The following RBFOX1 variants were observed in gnomAD, a reference collection of about 807,000 sequenced individuals.
RBFOX1 encodes RNA binding fox-1 homolog 1.
RBFOX1 carries 8 observed loss-of-function variants against 57.7 expected under a neutral mutation model. The observed-to-expected ratio is 0.14, with a 90% CI of 0.08 to 0.25. The LOEUF is 0.25. RBFOX1 is among the 10% of genes least tolerant of loss of function. The probability of loss-of-function intolerance (pLI) is 1.00; values close to 1 mark genes in which losing one functional copy is unlikely to be tolerated. For synonymous variants in RBFOX1, 326 were observed against 222.4 expected (o/e 1.47, Z -4.15); for missense variants, 611 against 548.5 (o/e 1.11, Z -1.14).
intron 3 of RBFOX1, among the ~76,000 whole-genome samples, chr16:6,831,891 C>A (rs1465694301): frequency 6.6e-6 from 1 of 152,138 alleles, no homozygotes; most frequent in Non-Finnish European, 1.5e-5. Flanking sequence ...GTAGGAAAAG[C>A]AATGTCTTAC....
At chr16:7,094,111 A>C (rs1567230350) in intron 4 of RBFOX1, among the ~76,000 whole-genome samples, 2 of 151,032 alleles carry the variant, frequency 1.3e-5, no homozygotes, top group Non-Finnish European at 1.5e-5. Context: ...TCTTCATTTT[A>C]CATTTTGAGT....
chr16:6,467,672 A>G (rs2095080587), intron 2 of RBFOX1, among the ~76,000 whole-genome samples: 1 of 152,202 alleles, frequency 6.6e-6, no homozygotes, highest in Non-Finnish European at 1.5e-5. Flanking sequence ...TTTTAAGAGA[A>G]AGCCCGAGAC....
At chr16:6,793,552 C>G (rs1207315087) in intron 3 of RBFOX1, among the ~76,000 whole-genome samples, 4 of 152,162 alleles carry the variant, frequency 2.6e-5, no homozygotes, top group Admixed American at 2.6e-4. Context: ...GACCTGCCTA[C>G]ATTTCAATTC....
At chr16:6,105,630 T>G (rs2096369218) in intron 1 of RBFOX1, among the ~76,000 whole-genome samples, 1 of 151,910 alleles carries the variant, frequency 6.6e-6, no homozygotes, top group African/African-American at 2.4e-5. Flanking sequence ...TTTTTTGTTT[T>G]TCTGCTTATA....
At chr16:5,353,367 T>C (rs1195805806) in intron 1 of RBFOX1, among the ~76,000 whole-genome samples, 1 of 132,428 alleles carries the variant, frequency 7.6e-6, no homozygotes, top group African/African-American at 2.7e-5. Flanking sequence ...AACAGAGTAG[T>C]GTCTGAAAAA....
intron 2 of RBFOX1, among the ~76,000 whole-genome samples, chr16:6,487,682 AAAAAAAAAAAAAAAAAAAATATAT>A (rs1283800079): frequency 1.6e-3 from 22 of 13,662 alleles, no homozygotes; most frequent in Admixed American, 2.7e-3. Flanking sequence ...GTAAAAAAAA[AAAAAAAAAAAAAAAAAAAATATAT>A]ATATATATAT....
chr16:7,319,473 G>A (rs1319779619), intron 4 of RBFOX1, among the ~76,000 whole-genome samples: 1 of 152,166 alleles, frequency 6.6e-6, no homozygotes, highest in East Asian at 1.9e-4. Flanking sequence ...TTGATTTCAG[G>A]TCAGTGTTTG....
At chr16:5,810,457 A>G (rs1290694801) in intron 3 of RBFOX1, among the ~76,000 whole-genome samples, 1 of 152,218 alleles carries the variant, frequency 6.6e-6, no homozygotes, top group Non-Finnish European at 1.5e-5. Flanking sequence ...TTTTTGTTGC[A>G]TAAGCACCCA....
At position 5,744,877 on chromosome 16, in the gene RBFOX1, C is replaced by T. The variant is rs149445581; in HGVS notation, c.319-122426C>T. Among the ~76,000 whole-genome samples, 1,016 of 152,236 alleles carry T rather than the reference C, an allele frequency of 6.7e-3. 5 individuals carry two copies. The highest frequency in any genetic ancestry group is 0.01 in the Non-Finnish European group (690 of 68,016). ...GGTTCAAACAATTCTCCTGCCTCAC[C>T]GCTCTCTCTCCGACCGCCCAAAGTA... is the stretch of plus-strand genomic sequence containing the variant. On this transcript the variant is annotated intron_variant, in intron 3 of 19. Transcript: ENST00000641259.
At chr16:7,532,149 C>G (rs2152385652) in intron 5 of RBFOX1, among the ~76,000 whole-genome samples, 1 of 130,346 alleles carries the variant, frequency 7.7e-6, no homozygotes, top group African/African-American at 2.8e-5. Context: ...TTTTTTTTCA[C>G]TAAGAAAAGC....
At chr16:5,971,831 G>A (rs1257598879) in intron 4 of RBFOX1, among the ~76,000 whole-genome samples, 1 of 152,210 alleles carries the variant, frequency 6.6e-6, no homozygotes, top group South Asian at 2.1e-4. Context: ...ATGCTTCTAT[G>A]AGGGTGTTTT....
At chr16:6,431,766 G>A (rs1429041173) in intron 2 of RBFOX1, among the ~76,000 whole-genome samples, 1 of 152,054 alleles carries the variant, frequency 6.6e-6, no homozygotes, top group East Asian at 1.9e-4. Flanking sequence ...TTTGTGACTT[G>A]GAGCAAATCA....
intron 14 of RBFOX1, among the ~76,000 whole-genome samples, chr16:7,702,937 G>C (rs2081246774): frequency 6.6e-6 from 1 of 152,172 alleles, no homozygotes; most frequent in Non-Finnish European, 1.5e-5. Context: ...CTTCTTCCTG[G>C]GTGCAGGTTA....
chr16:7,529,029 C>T (rs2079345145), intron 5 of RBFOX1, among the ~76,000 whole-genome samples: 1 of 152,186 alleles, frequency 6.6e-6, no homozygotes, highest in South Asian at 2.1e-4. Flanking sequence ...GAGGCCAAAG[C>T]AGATGGATCA....
At chr16:7,523,070 A>T (rs2077870701) in intron 5 of RBFOX1, among the ~76,000 whole-genome samples, 1 of 152,114 alleles carries the variant, frequency 6.6e-6, no homozygotes, top group Non-Finnish European at 1.5e-5. Context: ...CTAGAATTTT[A>T]TATCAGTAAC....
At chr16:6,958,938 C>A (rs1240698445) in intron 3 of RBFOX1, among the ~76,000 whole-genome samples, 1 of 152,052 alleles carries the variant, frequency 6.6e-6, no homozygotes, top group African/African-American at 2.4e-5. Flanking sequence ...CTGACATAGG[C>A]AGCATGGTTC....
chr16:5,382,162 T>C (rs1174567619), intron 1 of RBFOX1, among the ~76,000 whole-genome samples: 1 of 152,218 alleles, frequency 6.6e-6, no homozygotes, highest in Non-Finnish European at 1.5e-5. Context: ...AGAAACTTAA[T>C]ATGTCATTCA....
intron 4 of RBFOX1, among the ~76,000 whole-genome samples, chr16:7,445,772 C>G (rs2098803172): frequency 6.6e-6 from 1 of 152,082 alleles, no homozygotes; most frequent in Admixed American, 6.6e-5. Flanking sequence ...TGGAGATGCC[C>G]AAAGACTGAT....
chr16:7,563,517 G>C (rs2152698047), intron 5 of RBFOX1, among the ~76,000 whole-genome samples: 1 of 152,162 alleles, frequency 6.6e-6, no homozygotes, highest in Middle Eastern at 3.4e-3. Context: ...GCCCAGGCTG[G>C]AGTGCAATGG....
Sources: gnomAD v4.1 joint callset for allele counts (sites outside exome capture counted in the v4.1 genomes callset) on GRCh38, gnomAD v4.1.1 for gene constraint, MANE v1.5 for transcripts, NCBI Gene and HGNC (gene_info 2026-07-23, HGNC 2026-07-21) for gene names.